Variants in RIMBP2 observed in about 807,000 individuals in gnomAD.
The protein encoded by RIMBP2 is RIMS-binding protein 2.
A neutral mutation model predicts 118.6 loss-of-function variants in RIMBP2; 48 were observed. That is an observed-to-expected ratio of 0.40 (90% confidence interval 0.32 to 0.51). RIMBP2 has a LOEUF of 0.51. Ranked by LOEUF, RIMBP2 falls within the 20% of genes least tolerant of loss-of-function variation. RIMBP2 has a pLI of 0.41. For synonymous variants in RIMBP2, 762 were observed against 742.9 expected (o/e 1.03, Z -0.42); for missense variants, 1,551 against 1,768.3 (o/e 0.88, Z 2.20).
intron 2 of RIMBP2, among the ~76,000 whole-genome samples, chr12:130,520,325 A>G (rs929156524): frequency 1.3e-5 from 2 of 152,090 alleles, no homozygotes; most frequent in Non-Finnish European, 2.9e-5. Context: ...TCTCTTTCCA[A>G]TGTAGCTTCC....
At chr12:130,577,491 GGA>G (rs1188882096) in intron 2 of RIMBP2, among the ~76,000 whole-genome samples, 2 of 152,184 alleles carry the variant, frequency 1.3e-5, no homozygotes, top group Non-Finnish European at 2.9e-5. Flanking sequence ...CAAGGCAGCA[GGA>G]GAGAGCACAA....
rs1294752475 is a variant in RIMBP2 at position 130,617,244 on chromosome 12, A to C, written c.-217+11078T>G. Among the ~76,000 whole-genome samples, 1 of 151,770 alleles carries C rather than the reference A, an allele frequency of 6.6e-6. No individual in the cohort carries two copies. Among genetic ancestry groups the C allele is most frequent in the East Asian group, 1.9e-4 (1 of 5,136 alleles). On this transcript the variant is annotated intron_variant, in intron 2 of 22. Transcript: ENST00000690449. The surrounding 1 kb of genome is among the most constrained non-coding windows in gnomAD (Gnocchi z 4.6). Reference sequence around the variant, plus strand: ...ACACAAGGGATGCAAGGCTTAGGGAACTAGAGCCCAGGCCCACGCCCTGCA... The same window carrying C: ...ACACAAGGGATGCAAGGCTTAGGGACCTAGAGCCCAGGCCCACGCCCTGCA...
intron 1 of RIMBP2, among the ~76,000 whole-genome samples, chr12:130,699,624 TG>T (rs1391527734): frequency 6.6e-4 from 100 of 151,562 alleles, no homozygotes; most frequent in South Asian, 3.1e-3. Flanking sequence ...ATATACCTAA[TG>T]CTAAATGACG....
intron 1 of RIMBP2, among the ~76,000 whole-genome samples, chr12:130,636,247 T>C (rs1474190418): frequency 6.6e-6 from 1 of 152,194 alleles, no homozygotes; most frequent in Non-Finnish European, 1.5e-5. Flanking sequence ...GCCCTCCCTC[T>C]AAGACCTTTC....
chr12:130,462,368 G>A (rs2080074017), intron 6 of RIMBP2, among the ~76,000 whole-genome samples: 1 of 152,164 alleles, frequency 6.6e-6, no homozygotes, highest in African/African-American at 2.4e-5. Context: ...CAGATACCAG[G>A]AAGGCCGCGC....
rs577935843 is a variant in RIMBP2 at position 130,472,962 on chromosome 12, T to C, written c.103-2219A>G. Among the ~76,000 whole-genome samples, 57 of 151,484 alleles carry C rather than the reference T, an allele frequency of 3.8e-4. 1 individual carries two copies. The highest frequency in any genetic ancestry group is 1.2e-3 in the African/African-American group (50 of 41,224). On this transcript the variant is annotated intron_variant, in intron 5 of 22. Transcript: ENST00000690449. ...GCAAGAGCAACAATAAATAGCAAAA[T>C]AGAAAAAGAGACAAACAAGCAGGGA...
intron 15 of RIMBP2, chr12:130,425,231 C>G (rs977433568): frequency 1.7e-5 from 3 of 180,914 alleles, no homozygotes; most frequent in African/African-American, 7.0e-5. Flanking sequence ...GGAGACTGCC[C>G]GGGGGCTACA....
chr12:130,438,335 A>ACCGGGGGCCC, intron 12 of RIMBP2, 30 bp downstream of exon 12: 1 of 865,014 alleles, frequency 1.2e-6, no homozygotes, highest in Non-Finnish European at 1.9e-6. Context: ...GGCCTAACAA[A>ACCGGGGGCCC]CCCTCCCCAC....
At chr12:130,530,748 C>T (rs2053287573) in intron 2 of RIMBP2, among the ~76,000 whole-genome samples, 1 of 152,140 alleles carries the variant, frequency 6.6e-6, no homozygotes, top group Non-Finnish European at 1.5e-5. Context: ...TTTATGAGAA[C>T]TGCTGCAATA....
chr12:130,665,479 C>T (rs542278407), intron 1 of RIMBP2, among the ~76,000 whole-genome samples: 1 of 150,894 alleles, frequency 6.6e-6, no homozygotes, highest in African/African-American at 2.5e-5. Flanking sequence ...GAGCTGAGAT[C>T]GTACCACAGC....
chr12:130,600,300 A>G (rs1163764404), intron 2 of RIMBP2, among the ~76,000 whole-genome samples: 2 of 152,154 alleles, frequency 1.3e-5, no homozygotes, highest in East Asian at 1.9e-4. Context: ...GGTCAGCATG[A>G]CCATACAACA....
chr12:130,413,724 T>C (rs1184957956), intron 18 of RIMBP2, among the ~76,000 whole-genome samples: 2 of 150,054 alleles, frequency 1.3e-5, no homozygotes, highest in Non-Finnish European at 3.0e-5. Flanking sequence ...GGCATGGAAC[T>C]CCAGCCTCTA....
At position 130,538,623 on chromosome 12, in the gene RIMBP2, C is replaced by G. The variant is rs546319742; in HGVS notation, c.-216-20706G>C. ...TCTGCACACTTCAGCTCTTGAACCTCTGAGCTATAATAAGCAAGTATGTTT... is the reference window on the plus strand; with the variant it reads ...TCTGCACACTTCAGCTCTTGAACCTGTGAGCTATAATAAGCAAGTATGTTT... On this transcript the variant is annotated intron_variant, in intron 2 of 22. Transcript: ENST00000690449. 3.1e-3 allele frequency among the ~76,000 whole-genome samples: 478 copies of G among 152,278 alleles called. 3 individuals are homozygous for G. Among genetic ancestry groups the G allele is most frequent in the African/African-American group, 0.011 (445 of 41,568 alleles).
chr12:130,520,751 A>T (rs1177582893), intron 2 of RIMBP2, among the ~76,000 whole-genome samples: 1 of 152,070 alleles, frequency 6.6e-6, no homozygotes, highest in Non-Finnish European at 1.5e-5. Context: ...CACTTCAAGA[A>T]TCACAAAAAA....
At chr12:130,648,021 G>C (rs2136245794) in intron 1 of RIMBP2, among the ~76,000 whole-genome samples, 1 of 146,508 alleles carries the variant, frequency 6.8e-6, no homozygotes, top group South Asian at 2.1e-4. Flanking sequence ...ACACACATGT[G>C]AACACACGTG....
At chr12:130,673,903 G>T (rs1261216093) in intron 1 of RIMBP2, among the ~76,000 whole-genome samples, 2 of 151,116 alleles carry the variant, frequency 1.3e-5, no homozygotes, top group East Asian at 3.9e-4. Flanking sequence ...GAGGTCAGGA[G>T]TTTGAGACCA....
chr12:130,567,618 G>T (rs560346986), intron 2 of RIMBP2, among the ~76,000 whole-genome samples: 1 of 152,222 alleles, frequency 6.6e-6, no homozygotes, highest in South Asian at 2.1e-4. Context: ...CCTGGGAAGG[G>T]GCAGCAGGTT....
intron 14 of RIMBP2, among the ~76,000 whole-genome samples, chr12:130,432,450 C>A (rs1295706915): frequency 6.6e-6 from 1 of 152,140 alleles, no homozygotes; most frequent in South Asian, 2.1e-4. Context: ...GCTGGCTCGA[C>A]ATTTGCTATG....
At chr12:130,561,036 C>G (rs1487557308) in intron 2 of RIMBP2, among the ~76,000 whole-genome samples, 1 of 152,174 alleles carries the variant, frequency 6.6e-6, no homozygotes, top group African/African-American at 2.4e-5. Flanking sequence ...GAGACAGATA[C>G]AAAGAGAACG....
Sources: allele counts gnomAD v4.1 joint callset (sites outside exome capture counted in the v4.1 genomes callset), GRCh38; gene constraint gnomAD v4.1.1; non-coding constraint Gnocchi (gnomAD v3.1); transcripts MANE v1.5; gene names NCBI Gene and HGNC (gene_info 2026-07-23, HGNC 2026-07-21).